YAP1: variants seen among roughly 807,000 people sequenced by gnomAD.
YAP1 encodes the protein transcriptional coactivator YAP1.
Under a neutral mutation model 56.9 loss-of-function variants are expected in YAP1, and 5 were observed. The ratio of observed to expected loss-of-function variants is 0.09; its 90% CI spans 0.05 to 0.18. The LOEUF is 0.18. Among genes scored for constraint, YAP1 ranks in the 10% least tolerant of loss-of-function variants. The pLI, the probability that YAP1 is intolerant of heterozygous loss-of-function variation, is 1.00. For missense variants in YAP1, 539 were observed against 651.8 expected (o/e 0.83, Z 1.88); for synonymous variants, 265 against 248.1 (o/e 1.07, Z -0.64).
At chr11:102,137,110 T>C (rs1490959246) in intron 2 of YAP1, among the ~76,000 whole-genome samples, 1 of 152,310 alleles carries the variant, frequency 6.6e-6, no homozygotes, top group African/African-American at 2.4e-5. Context: ...ATCTGTCTCC[T>C]TTGCCCTTTA....
chr11:102,212,964 C>T (rs10895276), intron 6 of YAP1, among the ~76,000 whole-genome samples: 52,623 of 152,052 alleles, frequency 0.35, 9,243 homozygotes, highest in East Asian at 0.41. Context: ...AAGAAACTTT[C>T]TGAAACTGTA....
intron 6 of YAP1, among the ~76,000 whole-genome samples, chr11:102,213,507 G>A (rs974036974): frequency 5.9e-5 from 9 of 151,980 alleles, no homozygotes; most frequent in African/African-American, 2.2e-4. Flanking sequence ...AAAGAATTTG[G>A]TTCTTAATAT....
chr11:102,146,086 G>A (rs1208898460), intron 2 of YAP1, among the ~76,000 whole-genome samples: 1 of 152,198 alleles, frequency 6.6e-6, no homozygotes, highest in Non-Finnish European at 1.5e-5. Flanking sequence ...TTACATATAA[G>A]TAATGTACTT....
intron 2 of YAP1, among the ~76,000 whole-genome samples, chr11:102,116,636 G>T (rs1214481091): frequency 6.6e-6 from 1 of 152,290 alleles, no homozygotes; most frequent in Non-Finnish European, 1.5e-5. Context: ...AGGAGAAAAG[G>T]TTGCAAGGGT....
chr11:102,141,710 A>G (rs1197005705), intron 2 of YAP1, among the ~76,000 whole-genome samples: 3 of 152,138 alleles, frequency 2.0e-5, no homozygotes, highest in African/African-American at 4.8e-5. Context: ...GTATTTCTGC[A>G]TTTGGTTAAA....
intron 2 of YAP1, among the ~76,000 whole-genome samples, chr11:102,121,540 G>A (rs1010606337): frequency 2.0e-5 from 3 of 152,064 alleles, no homozygotes; most frequent in Non-Finnish European, 2.9e-5. Flanking sequence ...TGTCCAGTCT[G>A]GAATGTGAAT....
chr11:102,219,259 C>G (rs1949806039), intron 6 of YAP1, among the ~76,000 whole-genome samples: 1 of 152,086 alleles, frequency 6.6e-6, no homozygotes, highest in Non-Finnish European at 1.5e-5. Context: ...AAAATAAATT[C>G]TTCAAGGAAT....
At chr11:102,197,237 T>C (rs1313386028) in intron 4 of YAP1, among the ~76,000 whole-genome samples, 3 of 152,226 alleles carry the variant, frequency 2.0e-5, no homozygotes, top group African/African-American at 7.2e-5. Flanking sequence ...TATGGAAATA[T>C]TCAGTGTCTG....
At chr11:102,173,777 G>A (rs563382433) in intron 3 of YAP1, among the ~76,000 whole-genome samples, 1 of 152,238 alleles carries the variant, frequency 6.6e-6, no homozygotes, top group South Asian at 2.1e-4. Context: ...CTGTCTTTCT[G>A]GAGTTGAATA....
At position 102,185,991 on chromosome 11, in the gene YAP1, ATTT is replaced by A. The variant is rs34105163; in HGVS notation, c.689-14_689-12del. ...TTAGGTGCACCAAATAAAAACCATGATTTTTTTTTTTTTTTCTGTATTATAGGT... is the reference window on the plus strand; with the variant it reads ...TTAGGTGCACCAAATAAAAACCATGATTTTTTTTTTTTCTGTATTATAGGT... On this transcript the variant is annotated intron_variant, in intron 3 of 8. Transcript: ENST00000282441. 33 of 1,356,498 alleles carry A rather than the reference ATTT, an allele frequency of 2.4e-5. No individual in the cohort carries two copies. The highest frequency in any genetic ancestry group is 9.0e-5 in the South Asian group (6 of 66,780). 84.0% of individuals were successfully genotyped at this position (1,356,498 alleles called of 1,614,324 possible).
intron 2 of YAP1, among the ~76,000 whole-genome samples, chr11:102,150,201 C>G (rs1422505308): frequency 6.6e-6 from 1 of 151,892 alleles, no homozygotes; most frequent in Non-Finnish European, 1.5e-5. Context: ...CCAGGCTGGT[C>G]TTGAACTCCT....
chr11:102,218,099 T>C (rs1949747355), intron 6 of YAP1, among the ~76,000 whole-genome samples: 1 of 152,222 alleles, frequency 6.6e-6, no homozygotes, highest in Admixed American at 6.5e-5. Context: ...ATATCCGTTA[T>C]ATATCAAAAA....
At chr11:102,162,910 A>G (rs2135403484) in intron 3 of YAP1, among the ~76,000 whole-genome samples, 1 of 149,416 alleles carries the variant, frequency 6.7e-6, no homozygotes, top group Middle Eastern at 3.6e-3. Flanking sequence ...AGTTGAATTT[A>G]CCCTCTTCCC....
chr11:102,171,229 T>C (rs2135437024), intron 3 of YAP1, among the ~76,000 whole-genome samples: 1 of 152,340 alleles, frequency 6.6e-6, no homozygotes, highest in Middle Eastern at 3.4e-3. Flanking sequence ...ATTATTTTTG[T>C]CTTTCCCACT....
chr11:102,164,960 G>A (rs749143053), intron 3 of YAP1, among the ~76,000 whole-genome samples: 6 of 152,122 alleles, frequency 3.9e-5, no homozygotes, highest in Non-Finnish European at 5.9e-5. Context: ...AACCTCAGGT[G>A]ATCCGCCTGT....
At chr11:102,135,504 A>G (rs1944625655) in intron 2 of YAP1, among the ~76,000 whole-genome samples, 1 of 152,180 alleles carries the variant, frequency 6.6e-6, no homozygotes. Flanking sequence ...GGAACTGTGT[A>G]CCAGAGTGTG....
chr11:102,200,817 GAC>G (rs1948816191), intron 4 of YAP1, among the ~76,000 whole-genome samples: 1 of 152,122 alleles, frequency 6.6e-6, no homozygotes, highest in African/African-American at 2.4e-5. Flanking sequence ...TTATATCACA[GAC>G]ACAGATTTCT....
intron 2 of YAP1, among the ~76,000 whole-genome samples, chr11:102,153,817 AC>A (rs1164551272): frequency 6.6e-6 from 1 of 151,806 alleles, no homozygotes; most frequent in East Asian, 1.9e-4. Context: ...TTAATGGGAG[AC>A]TAGAATAATA....
chr11:102,162,831 A>G (rs1043149653), intron 3 of YAP1, among the ~76,000 whole-genome samples: 13 of 152,076 alleles, frequency 8.5e-5, no homozygotes, highest in East Asian at 1.9e-4. Context: ...GGGTATCTCA[A>G]ATTTGTAGTT....
Sources: gnomAD v4.1 joint callset for allele counts (sites outside exome capture counted in the v4.1 genomes callset) on GRCh38, gnomAD v4.1.1 for gene constraint, MANE v1.5 for transcripts, NCBI Gene and HGNC (gene_info 2026-07-23, HGNC 2026-07-21) for gene names.